Variants in HOXA3 observed in about 807,000 individuals in gnomAD.
HOXA3 encodes homeobox A3, also known as homeobox protein Hox-A3.
Under a neutral mutation model 30.3 loss-of-function variants are expected in HOXA3, and 8 were observed. That is an observed-to-expected ratio of 0.26 (90% CI 0.15 to 0.48). The LOEUF (loss-of-function observed/expected upper bound fraction) is 0.48. Among genes scored for constraint, HOXA3 ranks in the 20% least tolerant of loss-of-function variants. HOXA3 has a pLI of 0.99. For synonymous variants in HOXA3, 323 were observed against 273.1 expected (o/e 1.18, Z -1.80); for missense variants, 653 against 614.4 (o/e 1.06, Z -0.66).
intron 2 of HOXA3, among the ~76,000 whole-genome samples, chr7:27,131,306 A>T (rs902025286): frequency 3.3e-5 from 5 of 151,934 alleles, no homozygotes; most frequent in South Asian, 2.1e-4. Context: ...GTTTTTATGT[A>T]CGCCACTGAG....
chr7:27,116,201 G>A (rs1252394190), intron 4 of HOXA3: 2 of 152,684 alleles, frequency 1.3e-5, no homozygotes, highest in African/African-American at 4.8e-5. Context: ...AGGGGGACTA[G>A]AAGAAAAGAT....
chr7:27,124,001 T>C (rs1475444009), intron 3 of HOXA3: 1 of 152,302 alleles, frequency 6.6e-6, no homozygotes, highest in Non-Finnish European at 1.5e-5. Flanking sequence ...TGCCTCTCAA[T>C]TTCATTCCAG....
At chr7:27,147,167 C>T in intron 1 of HOXA3, 1 of 893,508 alleles carries the variant, frequency 1.1e-6, no homozygotes, top group Non-Finnish European at 1.7e-6. Flanking sequence ...TTTTTCTTCT[C>T]TTTTAAGAAG....
At chr7:27,123,679 TG>T (rs1380785658) in intron 3 of HOXA3, 1 of 152,496 alleles carries the variant, frequency 6.6e-6, no homozygotes. Flanking sequence ...AGCCCTCCGC[TG>T]TCTGTCTGCC....
chr7:27,130,122 G>A (rs749848400), intron 2 of HOXA3: 4 of 1,600,162 alleles, frequency 2.5e-6, no homozygotes, highest in Non-Finnish European at 3.4e-6. Context: ...ACGTACCGGC[G>A]CTGACATGGA....
At chr7:27,140,752 G>A (rs1438791516) in intron 1 of HOXA3, among the ~76,000 whole-genome samples, 2 of 76,428 alleles carry the variant, frequency 2.6e-5, no homozygotes, top group Non-Finnish European at 8.1e-5. Context: ...ACAAAGCCCT[G>A]GGTTTTTTCT....
chr7:27,131,974 T>G (rs1450454201), intron 2 of HOXA3, among the ~76,000 whole-genome samples: 2 of 152,210 alleles, frequency 1.3e-5, no homozygotes, highest in Admixed American at 6.5e-5. Flanking sequence ...ATTTGGTAAT[T>G]GAAATTTGAT....
intron 2 of HOXA3, among the ~76,000 whole-genome samples, chr7:27,136,118 A>G (rs909167779): frequency 3.9e-5 from 6 of 152,228 alleles, no homozygotes; most frequent in African/African-American, 1.4e-4. Flanking sequence ...GACTAAGAGC[A>G]CTGCACAATG....
At chr7:27,121,624 C>G (rs917336196) in intron 4 of HOXA3, among the ~76,000 whole-genome samples, 2 of 152,184 alleles carry the variant, frequency 1.3e-5, no homozygotes, top group African/African-American at 4.8e-5. Context: ...AATTAACAAC[C>G]TGATATCTAT....
rs1782833215 is a variant in HOXA3 at position 27,147,852 on chromosome 7, A to G, written c.-494+4436T>C. 2.8e-6 allele frequency: 3 copies of G among 1,061,210 alleles called. No homozygotes were observed. The Admixed American group carries it at 8.3e-5, about 29-fold the overall frequency. 65.7% of individuals were successfully genotyped at this position (1,061,210 alleles called of 1,614,324 possible). A position where few individuals can be genotyped will look rare whatever the true frequency, so the allele number is the denominator to read the frequency against. ...GTTTGTTTCTGGATGGCCGAACGCC[A>G]AAAGCGACAGCAGCAAATCGCACCA... On this transcript the variant is annotated intron_variant, in intron 1 of 5. Transcript: ENST00000612286.
chr7:27,151,889 A>T (rs917262710), intron 1 of HOXA3, among the ~76,000 whole-genome samples: 12 of 152,074 alleles, frequency 7.9e-5, no homozygotes, highest in Non-Finnish European at 1.8e-4. Context: ...CAAAAATCCA[A>T]ACCCAAAGGG....
At chr7:27,142,775 G>A (rs574455693) in intron 1 of HOXA3, 2 of 427,758 alleles carry the variant, frequency 4.7e-6, no homozygotes, top group Non-Finnish European at 8.2e-6. Context: ...GTCCCAAGGC[G>A]TGGGGTTCCA....
intron 2 of HOXA3, chr7:27,130,541 C>G: frequency 7.3e-7 from 1 of 1,373,786 alleles, no homozygotes; most frequent in Middle Eastern, 2.6e-4. Context: ...TCTCGGCCGC[C>G]GCCCGCGTGA....
chr7:27,131,167 T>G (rs1420705392), intron 2 of HOXA3, among the ~76,000 whole-genome samples: 1 of 152,186 alleles, frequency 6.6e-6, no homozygotes, highest in Non-Finnish European at 1.5e-5. Context: ...ACTGCTGGCC[T>G]AGGCCTCGGG....
At chr7:27,142,508 G>T (rs192534564) in intron 1 of HOXA3, among the ~76,000 whole-genome samples, 1 of 152,254 alleles carries the variant, frequency 6.6e-6, no homozygotes, top group East Asian at 1.9e-4. Context: ...CCCGTTTCCA[G>T]CCTGCAGGGT....
At chr7:27,135,530 C>T (rs1785684103) in intron 2 of HOXA3, among the ~76,000 whole-genome samples, 1 of 152,118 alleles carries the variant, frequency 6.6e-6, no homozygotes, top group Non-Finnish European at 1.5e-5. Flanking sequence ...GCTTTGCATT[C>T]AGCGGACTGT....
At chr7:27,121,247 G>GTGTGTGTC (rs1784999393) in intron 4 of HOXA3, 1 of 144,442 alleles carries the variant, frequency 6.9e-6, no homozygotes, top group East Asian at 1.9e-4. Context: ...GTGTGTGTGT[G>GTGTGTGTC]TGTGTGTGTG....
chr7:27,145,278 C>A, intron 1 of HOXA3: 1 of 234,120 alleles, frequency 4.3e-6, no homozygotes, highest in Non-Finnish European at 8.4e-6. Flanking sequence ...CTTTCCTCCC[C>A]AGCAGCCCCG....
intron 4 of HOXA3, among the ~76,000 whole-genome samples, chr7:27,117,364 A>T (rs550615167): frequency 6.6e-6 from 1 of 152,258 alleles, no homozygotes; most frequent in African/African-American, 2.4e-5. Flanking sequence ...GTCCAAACCT[A>T]ATCCTGGCTC....
Sources: gnomAD v4.1 joint callset for allele counts (sites outside exome capture counted in the v4.1 genomes callset) on GRCh38, gnomAD v4.1.1 for gene constraint, MANE v1.5 for transcripts, NCBI Gene and HGNC (gene_info 2026-07-23, HGNC 2026-07-21) for gene names.